Variants in STPG4 observed in about 807,000 individuals in gnomAD.
STPG4 encodes the protein sperm-tail PG-rich repeat containing 4.
STPG4 carries 41 observed loss-of-function variants against 31.5 expected under a neutral mutation model. The observed-to-expected ratio is 1.30, with a 90% CI of 1.01 to 1.69. The LOEUF is 1.69. Among genes scored for constraint, STPG4 ranks in the 40% most tolerant of loss-of-function variants. The pLI, the probability that STPG4 is intolerant of heterozygous loss-of-function variation, is 0.00. For missense variants in STPG4, 375 were observed against 293.4 expected (o/e 1.28, Z -2.03); for synonymous variants, 141 against 103.0 (o/e 1.37, Z -2.24).
At chr2:47,122,325 A>G (rs1197396270) in intron 5 of STPG4, among the ~76,000 whole-genome samples, 1 of 152,104 alleles carries the variant, frequency 6.6e-6, no homozygotes, top group African/African-American at 2.4e-5. Flanking sequence ...CTGATATACA[A>G]AGCATTTTTA....
At chr2:47,100,547 C>G (rs868775560) in intron 5 of STPG4, among the ~76,000 whole-genome samples, 4 of 150,306 alleles carry the variant, frequency 2.7e-5, no homozygotes, top group Middle Eastern at 6.8e-3. Context: ...AAAAAGCAGG[C>G]TCCCCGAGCC....
At chr2:47,118,418 G>A (rs10865218) in intron 5 of STPG4, among the ~76,000 whole-genome samples, 20,374 of 152,104 alleles carry the variant, frequency 0.13, 1,553 homozygotes, top group African/African-American at 0.18. Context: ...GGCTCCCTCT[G>A]ATTCTACATT....
At chr2:47,115,651 G>GTTTTT (rs1558678003) in intron 5 of STPG4, among the ~76,000 whole-genome samples, 4 of 90,422 alleles carry the variant, frequency 4.4e-5, no homozygotes, top group African/African-American at 1.4e-4. Flanking sequence ...CACATTAAAG[G>GTTTTT]CTTTTTTTTT....
chr2:47,101,538 C>T (rs145282157), intron 5 of STPG4, among the ~76,000 whole-genome samples: 2,025 of 151,924 alleles, frequency 0.013, 89 homozygotes, highest in African/African-American at 0.046. Context: ...CTAAAAATTG[C>T]TACCTGTCTC....
intron 6 of STPG4, among the ~76,000 whole-genome samples, chr2:47,089,438 G>C (rs1685523362): frequency 6.6e-6 from 1 of 152,192 alleles, no homozygotes; most frequent in Admixed American, 6.5e-5. Flanking sequence ...AGCCCAGGCA[G>C]TGGCAGTACT....
intron 5 of STPG4, among the ~76,000 whole-genome samples, chr2:47,125,640 C>G (rs1273416095): frequency 6.6e-6 from 1 of 152,098 alleles, no homozygotes; most frequent in African/African-American, 2.4e-5. Context: ...GGGTGTCACT[C>G]AAGAAATCTT....
chr2:47,116,501 T>A (rs972002442), intron 5 of STPG4, among the ~76,000 whole-genome samples: 1 of 152,246 alleles, frequency 6.6e-6, no homozygotes, highest in African/African-American at 2.4e-5. Context: ...TTTTTTCTTA[T>A]TTTGTAGACG....
intron 3 of STPG4, among the ~76,000 whole-genome samples, chr2:47,144,121 T>C (rs966354781): frequency 6.6e-6 from 1 of 152,228 alleles, no homozygotes; most frequent in African/African-American, 2.4e-5. Context: ...TTCAAGCTTA[T>C]ACTTTAAAAT....
chr2:47,147,066 G>A (rs1686837592), intron 3 of STPG4, among the ~76,000 whole-genome samples: 1 of 152,104 alleles, frequency 6.6e-6, no homozygotes, highest in Admixed American at 6.6e-5. Flanking sequence ...TTGAGCCTGG[G>A]GAATCGAGGC....
intron 5 of STPG4, among the ~76,000 whole-genome samples, chr2:47,096,609 G>C (rs1005104720): frequency 6.6e-6 from 1 of 152,180 alleles, no homozygotes; most frequent in Admixed American, 6.5e-5. Context: ...TCTGAACCAT[G>C]AATGTCCCAG....
intron 3 of STPG4, among the ~76,000 whole-genome samples, chr2:47,146,306 A>G (rs1558688389): frequency 6.6e-6 from 1 of 152,222 alleles, no homozygotes; most frequent in African/African-American, 2.4e-5. Flanking sequence ...CTTAATGAGT[A>G]GAGGCCAGGT....
intron 3 of STPG4, among the ~76,000 whole-genome samples, chr2:47,132,095 GC>G (rs1221114799): frequency 1.3e-5 from 2 of 152,004 alleles, no homozygotes; most frequent in African/African-American, 4.8e-5. Flanking sequence ...AACCTGGGAG[GC>G]GGGGGTTGCA....
chr2:47,150,426 T>C (rs940505504), intron 3 of STPG4, among the ~76,000 whole-genome samples: 1 of 152,126 alleles, frequency 6.6e-6, no homozygotes, highest in African/African-American at 2.4e-5. Flanking sequence ...GTGCTCTTTA[T>C]TATCAATGCT....
chr2:47,087,088 G>A lies in STPG4; in HGVS notation c.667C>T (p.Pro223Ser), dbSNP rs2103716367. The part of the protein sequence containing the change: ...PGAYTTLRQF[P>S]KQSPTIAKMG... ...TTGGCTATGGTCGGAGACTGCTTAG[G>A]GAATTGTCTTAAAGTTGTATATGCT... Residue 223 changes from proline to serine, a missense_variant, in exon 7 of 7, where the codon CCT (proline) becomes TCT (serine). By Grantham distance (74) the Pro-to-Ser change is moderately conservative. Transcript: ENST00000445927. 6.4e-7 allele frequency: 1 copy of A among 1,551,792 alleles called. No individual in the cohort carries two copies. The highest frequency in any genetic ancestry group is 8.7e-7 in the Non-Finnish European group (1 of 1,147,004).
At chr2:47,096,622 G>A (rs1192500444) in intron 5 of STPG4, among the ~76,000 whole-genome samples, 3 of 152,162 alleles carry the variant, frequency 2.0e-5, no homozygotes. Context: ...TGTCCCAGGG[G>A]GTTAGGGACT....
rs372801697 is a variant in STPG4, at chr2:47,122,427, T to G, written c.519+7514A>C. Among the ~76,000 whole-genome samples, 31 of 152,294 alleles carry G rather than the reference T, an allele frequency of 2.0e-4. No individual in the cohort carries two copies. In the East Asian group the frequency reaches 2.1e-3, roughly 10 times the overall value. The stretch of plus-strand genomic sequence containing the variant: ...AGTTTGCTTATCCTTAGATATATAC[T>G]AATATATTTTCTCCTGGTTTAATGG... On this transcript the variant is annotated intron_variant, in intron 5 of 6. Transcript: ENST00000445927.
chr2:47,120,848 G>A (rs1316684002), intron 5 of STPG4, among the ~76,000 whole-genome samples: 2 of 152,092 alleles, frequency 1.3e-5, no homozygotes, highest in Admixed American at 1.3e-4. Flanking sequence ...GTTTGGTGGG[G>A]CATCCAGGTC....
intron 5 of STPG4, among the ~76,000 whole-genome samples, chr2:47,115,445 G>C (rs529643043): frequency 6.6e-6 from 1 of 152,162 alleles, no homozygotes; most frequent in East Asian, 1.9e-4. Flanking sequence ...ATGAGTTTTT[G>C]CATGTTGAAA....
At position 47,151,372 on chromosome 2, in the gene STPG4, AT is replaced by A; in HGVS notation, c.284del (p.Asp95ValfsTer14). On this transcript the variant is annotated frameshift_variant, in exon 3 of 7. Coordinates refer to ENST00000445927, the MANE Select transcript of STPG4 (RefSeq NM_001163561.2). LOFTEE classifies it high-confidence loss of function. ...LVQRNNPVLN[D>X]LPQYMPPDFL... is the part of the protein sequence containing the mutation. Reference sequence around the variant, plus strand: ...AGTCAGGAGGCATATACTGCGGAAGATCATTTAGGACTGGATTGTTTCTTTG... The same window carrying A: ...AGTCAGGAGGCATATACTGCGGAAGACATTTAGGACTGGATTGTTTCTTTG... The A allele has an allele frequency of 1.9e-6, 3 of 1,614,188 alleles. No individual in the cohort carries two copies. The highest frequency in any genetic ancestry group is 2.5e-6 in the Non-Finnish European group (3 of 1,180,036).
Sources: allele counts gnomAD v4.1 joint callset (sites outside exome capture counted in the v4.1 genomes callset), GRCh38; gene constraint gnomAD v4.1.1; transcripts MANE v1.5; gene names NCBI Gene and HGNC (gene_info 2026-07-23, HGNC 2026-07-21).